The following ELMO1 variants were observed in gnomAD, a reference collection of about 807,000 sequenced individuals.
ELMO1 encodes engulfment and cell motility protein 1.
ELMO1 carries 26 observed loss-of-function variants against 98.9 expected under a neutral mutation model. That is an observed-to-expected ratio of 0.26 (90% CI 0.19 to 0.36). ELMO1 has a LOEUF of 0.36. Ranked by LOEUF, ELMO1 falls within the 10% of genes least tolerant of loss-of-function variation. ELMO1 has a pLI of 1.00. For missense variants in ELMO1, 627 were observed against 935.2 expected (o/e 0.67, Z 4.30); for synonymous variants, 346 against 346.0 (o/e 1.00, Z 0.00).
Position 37,293,309 on chromosome 7 carries a change from G to C in ELMO1, c.193-21427C>G, listed in dbSNP as rs1391605458. Among the ~76,000 whole-genome samples the C allele has an allele frequency of 6.9e-5, 9 of 130,092 alleles. 1 individual carries two copies. The highest frequency in any genetic ancestry group is 8.9e-5 in the Non-Finnish European group (5 of 56,224). 85.3% of individuals were successfully genotyped at this position (130,092 alleles called of 152,430 possible). A position where few individuals can be genotyped will look rare whatever the true frequency, so the allele number is the denominator to read the frequency against. On this transcript the variant is annotated intron_variant, in intron 4 of 21. Transcript: ENST00000310758. The stretch of plus-strand genomic sequence containing the variant: ...AAGGTGGGGAAAAGATTGAGAAATC[G>C]GGTGGTTGCCGTGTCTGTGTAGAAA...
At chr7:37,370,640 G>T (rs1016665524) in intron 1 of ELMO1, among the ~76,000 whole-genome samples, 1 of 151,962 alleles carries the variant, frequency 6.6e-6, no homozygotes, top group African/African-American at 2.4e-5. Flanking sequence ...AAAACAAGAA[G>T]GTCAATAAAC....
intron 13 of ELMO1, among the ~76,000 whole-genome samples, chr7:37,190,567 G>C (rs2130142724): frequency 6.6e-6 from 1 of 152,220 alleles, no homozygotes; most frequent in East Asian, 1.9e-4. Flanking sequence ...GCGTGATCTT[G>C]GCTCACTGCA....
Position 37,362,108 on chromosome 7 carries a change from G to T in ELMO1, c.-73-19345C>A, listed in dbSNP as rs144243039. On this transcript the variant is annotated intron_variant, in intron 1 of 21. Transcript: ENST00000310758. ...AGAAAATAAAAAATAAAATAAAGCTGTAAAATGGTCTGTTTCTTGACTGTG... is the reference window on the plus strand; with the variant it reads ...AGAAAATAAAAAATAAAATAAAGCTTTAAAATGGTCTGTTTCTTGACTGTG... Among the ~76,000 whole-genome samples the T allele has an allele frequency of 2.1e-3, 321 of 152,126 alleles. 3 individuals are homozygous for T. The highest frequency in any genetic ancestry group is 7.3e-3 in the African/African-American group (305 of 41,502).
At chr7:36,953,718 T>C (rs900419911) in intron 16 of ELMO1, among the ~76,000 whole-genome samples, 1 of 152,164 alleles carries the variant, frequency 6.6e-6, no homozygotes, top group African/African-American at 2.4e-5. Context: ...GTCTTAGCCA[T>C]ATAAAATGAA....
chr7:37,347,189 T>C (rs1348694152), intron 1 of ELMO1, among the ~76,000 whole-genome samples: 1 of 152,226 alleles, frequency 6.6e-6, no homozygotes, highest in Non-Finnish European at 1.5e-5. Context: ...TCCTCTTAAA[T>C]TTATGTTTTC....
chr7:36,892,793 C>A (rs145708348), intron 17 of ELMO1, among the ~76,000 whole-genome samples: 5 of 152,180 alleles, frequency 3.3e-5, no homozygotes, highest in Non-Finnish European at 4.4e-5. Context: ...AATGCTGTGG[C>A]TCCTAACCAC....
At chr7:36,913,579 G>C (rs1784481769) in intron 16 of ELMO1, among the ~76,000 whole-genome samples, 1 of 152,140 alleles carries the variant, frequency 6.6e-6, no homozygotes, top group African/African-American at 2.4e-5. Context: ...GTAATGAATT[G>C]GGACAAGAAA....
intron 13 of ELMO1, among the ~76,000 whole-genome samples, chr7:37,195,215 G>T (rs905947874): frequency 1.3e-5 from 2 of 152,162 alleles, no homozygotes; most frequent in African/African-American, 2.4e-5. Flanking sequence ...GCACACATGA[G>T]GTCCAGAGTG....
chr7:36,941,943 G>A (rs1787077330), intron 16 of ELMO1, among the ~76,000 whole-genome samples: 1 of 152,206 alleles, frequency 6.6e-6, no homozygotes, highest in Non-Finnish European at 1.5e-5. Flanking sequence ...TGCTTCCTAA[G>A]CCTTTCTGCT....
intron 15 of ELMO1, among the ~76,000 whole-genome samples, chr7:37,048,000 T>G (rs890476050): frequency 3.3e-5 from 5 of 152,244 alleles, no homozygotes; most frequent in Non-Finnish European, 5.9e-5. Context: ...CATTCCACTC[T>G]TATCATAAAT....
chr7:37,362,709 C>T (rs1468086657), intron 1 of ELMO1, among the ~76,000 whole-genome samples: 1 of 152,206 alleles, frequency 6.6e-6, no homozygotes, highest in Non-Finnish European at 1.5e-5. Context: ...AAACTGAACT[C>T]TTTCCTCCAG....
chr7:37,287,588 A>C (rs1221167363), intron 4 of ELMO1, among the ~76,000 whole-genome samples: 2 of 152,262 alleles, frequency 1.3e-5, no homozygotes, highest in Non-Finnish European at 2.9e-5. Context: ...GATACTGCTT[A>C]TCCTATCATG....
intron 2 of ELMO1, among the ~76,000 whole-genome samples, chr7:37,336,179 T>C (rs1046577995): frequency 6.6e-6 from 1 of 152,014 alleles, no homozygotes; most frequent in Non-Finnish European, 1.5e-5. Context: ...TGAGCTTTGA[T>C]TGAGCCTTTG....
At chr7:37,292,933 C>G (rs1358904364) in intron 4 of ELMO1, among the ~76,000 whole-genome samples, 1 of 51,992 alleles carries the variant, frequency 1.9e-5, no homozygotes, top group African/African-American at 5.5e-5. Flanking sequence ...GTCAGTCCCC[C>G]GCCTGGCCAG....
At chr7:36,887,397 C>T (rs1805113837) in intron 18 of ELMO1, among the ~76,000 whole-genome samples, 163 bp downstream of exon 18, 1 of 152,134 alleles carries the variant, frequency 6.6e-6, no homozygotes, top group South Asian at 2.1e-4. Context: ...CTTTGATTCT[C>T]TCTGGGTGTG....
chr7:37,072,282 A>G (rs1034859320), intron 15 of ELMO1, among the ~76,000 whole-genome samples: 5 of 152,120 alleles, frequency 3.3e-5, no homozygotes, highest in African/African-American at 1.2e-4. Flanking sequence ...GCCTGGTGGG[A>G]AGTAATTGAA....
At position 37,096,325 on chromosome 7, in the gene ELMO1, C is replaced by T. The variant is rs951130264; in HGVS notation, c.1300+294G>A. The stretch of plus-strand genomic sequence containing the variant: ...AAAAGAAATCCATAGATTTTTTTTT[C>T]CTGAACAGAAGCAAGCCTGTTTTAA... On this transcript the variant is annotated intron_variant, in intron 15 of 21. Transcript: ENST00000310758. Among the ~76,000 whole-genome samples the T allele has an allele frequency of 4.2e-4, 64 of 151,154 alleles. 3 individuals are homozygous for T. Among genetic ancestry groups the T allele is most frequent in the Non-Finnish European group, 7.4e-5 (5 of 67,868 alleles).
chr7:37,258,207 G>T (rs963397150), intron 6 of ELMO1, among the ~76,000 whole-genome samples: 2 of 152,136 alleles, frequency 1.3e-5, no homozygotes, highest in Non-Finnish European at 2.9e-5. Flanking sequence ...GGCAGAGCTT[G>T]CAGTGAACCG....
rs1429422943 is a variant in ELMO1, at chr7:37,025,352, T to C, written c.1301-11917A>G. On this transcript the variant is annotated intron_variant, in intron 15 of 21. Transcript: ENST00000310758. ...TTTTACTTATCTTCTGGGAGTGGTA[T>C]TGATGAGGCATAGGGAGATGTAGCT... 2.6e-5 allele frequency among the ~76,000 whole-genome samples: 4 copies of C among 152,218 alleles called. No individual in the cohort carries two copies. In the South Asian group the frequency reaches 6.2e-4, roughly 24 times the overall value.
Sources: gnomAD v4.1 joint callset for allele counts (sites outside exome capture counted in the v4.1 genomes callset) on GRCh38, gnomAD v4.1.1 for gene constraint, MANE v1.5 for transcripts, NCBI Gene and HGNC (gene_info 2026-07-23, HGNC 2026-07-21) for gene names.